The following DAB1 variants were observed in gnomAD, a reference collection of about 807,000 sequenced individuals.
DAB1 encodes the protein DAB adaptor protein 1.
DAB1 carries 15 observed loss-of-function variants against 64.6 expected under a neutral mutation model. The observed-to-expected ratio is 0.23, with a 90% CI of 0.16 to 0.36. The LOEUF (loss-of-function observed/expected upper bound fraction) is 0.36, where lower values mean the gene tolerates loss of function less well. DAB1 is among the 10% of genes least tolerant of loss of function. The pLI, the probability that DAB1 is intolerant of heterozygous loss-of-function variation, is 1.00. For missense variants in DAB1, 596 were observed against 706.7 expected, an observed-to-expected ratio of 0.84 and a Z score of 1.78; for synonymous variants, 235 against 251.9, an observed-to-expected ratio of 0.93 and a Z score of 0.64.
chr1:58,225,604 T>A (rs1463374249), intron 4 of DAB1, among the ~76,000 whole-genome samples: 2 of 151,634 alleles, frequency 1.3e-5, no homozygotes, highest in African/African-American at 4.8e-5. Flanking sequence ...AAATGTGGCA[T>A]GTATACATCA....
chr1:57,694,202 A>G (rs1392128769), intron 6 of DAB1, among the ~76,000 whole-genome samples: 1 of 152,214 alleles, frequency 6.6e-6, no homozygotes, highest in Non-Finnish European at 1.5e-5. Context: ...AAAATTACCA[A>G]TAATTCACTG....
At chr1:57,486,135 A>G (rs375580002) in intron 7 of DAB1, among the ~76,000 whole-genome samples, 2 of 152,280 alleles carry the variant, frequency 1.3e-5, no homozygotes, top group East Asian at 3.9e-4. Context: ...GCACCAGAGG[A>G]TTTTTCAGGA....
At chr1:58,076,763 C>G (rs1649675353) in intron 5 of DAB1, among the ~76,000 whole-genome samples, 1 of 152,190 alleles carries the variant, frequency 6.6e-6, no homozygotes, top group Non-Finnish European at 1.5e-5. Context: ...CCTCGCTGCC[C>G]TCAAAAGGCA....
At chr1:57,216,514 C>T (rs1044351443) in intron 2 of DAB1, among the ~76,000 whole-genome samples, 24 of 152,162 alleles carry the variant, frequency 1.6e-4, no homozygotes, top group African/African-American at 5.5e-4. Flanking sequence ...ATAAGTAAAA[C>T]TTGTTATTAT....
At chr1:58,501,753 G>C (rs555498466) in intron 3 of DAB1, among the ~76,000 whole-genome samples, 2 of 152,236 alleles carry the variant, frequency 1.3e-5, no homozygotes, top group Non-Finnish European at 2.9e-5. Context: ...GGACTCATGT[G>C]TTCCTCTAAA....
chr1:58,363,502 C>G (rs1164587441), intron 3 of DAB1, among the ~76,000 whole-genome samples: 1 of 152,198 alleles, frequency 6.6e-6, no homozygotes, highest in Non-Finnish European at 1.5e-5. Context: ...CTGGCCAATT[C>G]TGCAAACTCA....
At chr1:58,206,077 G>C (rs761097039) in intron 4 of DAB1, among the ~76,000 whole-genome samples, 1 of 152,008 alleles carries the variant, frequency 6.6e-6, no homozygotes, top group Non-Finnish European at 1.5e-5. Context: ...CCAAAGTTAA[G>C]GACGTGCGCC....
intron 7 of DAB1, among the ~76,000 whole-genome samples, chr1:57,468,936 TCTC>T (rs1687047148): frequency 6.6e-6 from 1 of 152,158 alleles, no homozygotes; most frequent in Admixed American, 6.5e-5. Context: ...TAAAATAAGG[TCTC>T]CTGCTCCTGC....
intron 10 of DAB1, among the ~76,000 whole-genome samples, chr1:57,025,541 A>G (rs1163509273): frequency 6.6e-6 from 1 of 152,102 alleles, no homozygotes; most frequent in East Asian, 1.9e-4. Flanking sequence ...TCCTTCCTTT[A>G]CTGGGCTGAC....
At chr1:57,338,274 C>G (rs1179338054) in intron 1 of DAB1, among the ~76,000 whole-genome samples, 1 of 152,060 alleles carries the variant, frequency 6.6e-6, no homozygotes, top group Admixed American at 6.6e-5. Flanking sequence ...AGTGAGCCAC[C>G]GCACCCAACC....
At chr1:58,026,440 C>T (rs899114956) in intron 5 of DAB1, among the ~76,000 whole-genome samples, 1 of 152,118 alleles carries the variant, frequency 6.6e-6, no homozygotes, top group Non-Finnish European at 1.5e-5. Flanking sequence ...GTGATGGTAT[C>T]AATCTCATAA....
chr1:58,216,266 G>A (rs955146325), intron 4 of DAB1, among the ~76,000 whole-genome samples: 3 of 152,060 alleles, frequency 2.0e-5, no homozygotes, highest in African/African-American at 7.2e-5. Flanking sequence ...ACTTATGAGT[G>A]AGAACACGTG....
chr1:58,056,339 C>T lies in DAB1; in HGVS notation n.387+94172G>A, dbSNP rs539453189. 116 of 1,576,502 alleles carry T rather than the reference C, an allele frequency of 7.4e-5. No individual in the cohort carries two copies. In the East Asian group the frequency reaches 1.4e-3, roughly 19 times the overall value. Reference sequence around the variant, plus strand: ...GCTTCAGAAATGTCCCTGACTGCTGCGGCCTTCACTATGTTTCGAATGACG... The same window carrying T: ...GCTTCAGAAATGTCCCTGACTGCTGTGGCCTTCACTATGTTTCGAATGACG... On this transcript the variant is annotated intron_variant and non_coding_transcript_variant, in intron 5 of 20. Transcript: ENST00000485760.
intron 4 of DAB1, among the ~76,000 whole-genome samples, chr1:57,101,242 G>T (rs1654661864): frequency 6.6e-6 from 1 of 152,272 alleles, no homozygotes; most frequent in East Asian, 1.9e-4. Flanking sequence ...AATCCTTTTT[G>T]AATCTCTTCT....
intron 4 of DAB1, among the ~76,000 whole-genome samples, chr1:58,253,965 T>C (rs533499108): frequency 6.6e-5 from 10 of 152,276 alleles, no homozygotes; most frequent in African/African-American, 2.4e-4. Context: ...ATGAAAATAA[T>C]TTGTAAAGCA....
intron 7 of DAB1, among the ~76,000 whole-genome samples, chr1:57,504,093 C>T (rs1034705974): frequency 6.6e-6 from 1 of 152,156 alleles, no homozygotes; most frequent in African/African-American, 2.4e-5. Context: ...ATCTGGCAGA[C>T]AGGAGGCATT....
intron 1 of DAB1, among the ~76,000 whole-genome samples, chr1:57,365,246 T>C (rs2100912240): frequency 7.1e-6 from 1 of 141,828 alleles, no homozygotes; most frequent in East Asian, 2.0e-4. Context: ...TATAAACATA[T>C]TTATATATTA....
chr1:58,099,070 G>GT (rs1320946935), intron 5 of DAB1, among the ~76,000 whole-genome samples: 1 of 152,126 alleles, frequency 6.6e-6, no homozygotes, highest in Non-Finnish European at 1.5e-5. Flanking sequence ...TCCTAGAGCA[G>GT]TATCAGTAAG....
chr1:58,283,139 C>T (rs1009238306), intron 4 of DAB1, among the ~76,000 whole-genome samples: 1 of 152,048 alleles, frequency 6.6e-6, no homozygotes, highest in Admixed American at 6.6e-5. Flanking sequence ...TTCCCCACCC[C>T]CCAAGCCCCA....
Sources: gnomAD v4.1 joint callset for allele counts (sites outside exome capture counted in the v4.1 genomes callset) on GRCh38, gnomAD v4.1.1 for gene constraint, MANE v1.5 for transcripts, NCBI Gene and HGNC (gene_info 2026-07-23, HGNC 2026-07-21) for gene names.